Variants in COG2 observed in about 807,000 individuals in gnomAD.
The protein encoded by COG2 is conserved oligomeric Golgi complex subunit 2.
Under a neutral mutation model 90.6 loss-of-function variants are expected in COG2, and 52 were observed. That is an observed-to-expected ratio of 0.57 (90% CI 0.46 to 0.72). The LOEUF (loss-of-function observed/expected upper bound fraction) is 0.72, where lower values mean the gene tolerates loss of function less well. COG2 is among the 30% of genes least tolerant of loss of function. The pLI is 0.00. For synonymous variants in COG2, 337 were observed against 320.4 expected (o/e 1.05, Z -0.55); for missense variants, 829 against 891.2 (o/e 0.93, Z 0.89).
intron 1 of COG2, among the ~76,000 whole-genome samples, chr1:230,658,216 TG>T (rs1199184359): frequency 6.6e-6 from 1 of 152,226 alleles, no homozygotes; most frequent in East Asian, 1.9e-4. Context: ...AATCTACCTT[TG>T]GTCTTTGATG....
At chr1:230,646,585 C>A (rs183697653) in intron 1 of COG2, among the ~76,000 whole-genome samples, 4 of 152,182 alleles carry the variant, frequency 2.6e-5, no homozygotes, top group African/African-American at 4.8e-5. Flanking sequence ...ATACTTCTGG[C>A]CCAAATACCT....
At chr1:230,685,938 A>G (rs1662875204) in intron 12 of COG2, among the ~76,000 whole-genome samples, 1 of 152,224 alleles carries the variant, frequency 6.6e-6, no homozygotes, top group Non-Finnish European at 1.5e-5. Context: ...TGTTCTAAAA[A>G]ATAAAAAAGA....
chr1:230,649,359 A>G (rs192819158), intron 1 of COG2, among the ~76,000 whole-genome samples: 1 of 152,184 alleles, frequency 6.6e-6, no homozygotes, highest in African/African-American at 2.4e-5. Flanking sequence ...TGGAGGGAAG[A>G]GCTCCAGGGA....
intron 12 of COG2, 77 bp downstream of exon 12, chr1:230,685,313 T>G: frequency 6.8e-7 from 1 of 1,479,908 alleles, no homozygotes; most frequent in Middle Eastern, 2.0e-4. Context: ...CTCCCTAAGA[T>G]TTTTGTAAAT....
At chr1:230,667,073 T>C (rs943889408) in intron 5 of COG2, among the ~76,000 whole-genome samples, 2 of 152,158 alleles carry the variant, frequency 1.3e-5, no homozygotes, top group African/African-American at 4.8e-5. Context: ...GGCCTCCGGG[T>C]CATCCCCTAG....
At chr1:230,676,296 T>C (rs994470418) in intron 9 of COG2, among the ~76,000 whole-genome samples, 2 of 152,184 alleles carry the variant, frequency 1.3e-5, no homozygotes, top group African/African-American at 4.8e-5. Context: ...CTTCTTCGTA[T>C]TTTAGACTTC....
intron 16 of COG2, among the ~76,000 whole-genome samples, chr1:230,691,181 A>T (rs1028291585): frequency 3.3e-5 from 5 of 152,120 alleles, no homozygotes; most frequent in Non-Finnish European, 7.4e-5. Context: ...GTGTGTATAT[A>T]TATATACGTA....
chr1:230,673,725 C>T (rs1662515343), intron 8 of COG2, among the ~76,000 whole-genome samples: 1 of 152,046 alleles, frequency 6.6e-6, no homozygotes, highest in Non-Finnish European at 1.5e-5. Flanking sequence ...ATATGGGAGG[C>T]AGTCATCTTC....
rs1347629143 is a variant in COG2 at position 230,659,600 on chromosome 1, A to G, written c.209A>G (p.Asp70Gly). The change falls in exon 2 of 18, where the codon GAT becomes GGT. Residue 70 changes from aspartate to glycine, a missense_variant. Physicochemically the swap from Asp to Gly is moderately conservative, Grantham distance 94. Coordinates refer to ENST00000366669, the MANE Select transcript of COG2 (RefSeq NM_007357.3). ...MVELINKDYA[D>G]FVNLSTNLVG... Reference sequence around the variant, plus strand: ...GAACTCATCAACAAGGATTATGCAGATTTTGTCAATCTTTCAACAAACTTG... The same window carrying G: ...GAACTCATCAACAAGGATTATGCAGGTTTTGTCAATCTTTCAACAAACTTG... The G allele has an allele frequency of 6.2e-7, 1 of 1,613,056 alleles. No individual in the cohort carries two copies. The highest frequency in any genetic ancestry group is 8.5e-7 in the Non-Finnish European group (1 of 1,179,654).
chr1:230,672,782 A>G (rs1364067464), intron 8 of COG2, among the ~76,000 whole-genome samples: 1 of 151,768 alleles, frequency 6.6e-6, no homozygotes, highest in Non-Finnish European at 1.5e-5. Context: ...CATTATGATC[A>G]CCTCTCCGCT....
rs539098452 is a variant in COG2 at position 230,653,122 on chromosome 1, T to G, written c.73-6342T>G. On this transcript the variant is annotated intron_variant, in intron 1 of 17. Coordinates refer to ENST00000366669, the MANE Select transcript of COG2 (RefSeq NM_007357.3). ...ATTTATTTGTCTTATAACTGAAAGT[T>G]TATATCATTTGACATTACTCCCAAC... Among the ~76,000 whole-genome samples the G allele has an allele frequency of 2.6e-5, 4 of 152,300 alleles. No individual in the cohort carries two copies. The East Asian group carries it at 7.7e-4, about 29-fold the overall frequency.
intron 8 of COG2, among the ~76,000 whole-genome samples, chr1:230,674,134 T>A (rs1027209973): frequency 2.0e-5 from 3 of 152,244 alleles, no homozygotes; most frequent in Non-Finnish European, 2.9e-5. Context: ...GTGAGCGACT[T>A]AAGGAATCTC....
chr1:230,648,074 C>T (rs560616387), intron 1 of COG2, among the ~76,000 whole-genome samples: 251 of 152,352 alleles, frequency 1.6e-3, no homozygotes, highest in Non-Finnish European at 3.1e-3. Context: ...TCATGCTTTC[C>T]TTTCTAGATG....
intron 2 of COG2, among the ~76,000 whole-genome samples, chr1:230,660,240 G>A (rs1417481177): frequency 6.6e-6 from 1 of 152,110 alleles, no homozygotes; most frequent in Non-Finnish European, 1.5e-5. Context: ...ATTTTAAGAA[G>A]CATTAAAATT....
chr1:230,681,249 G>A (rs909928062), intron 10 of COG2: 4 of 152,330 alleles, frequency 2.6e-5, no homozygotes, highest in African/African-American at 7.2e-5. Flanking sequence ...GAAACTGCAG[G>A]TGTTAGCTCT....
At chr1:230,670,815 G>A (rs1662429903) in intron 7 of COG2, 2 of 152,076 alleles carry the variant, frequency 1.3e-5, no homozygotes, top group East Asian at 3.9e-4. Context: ...GTTTTGCCAT[G>A]TTGTCCAAAC....
At position 230,687,096 on chromosome 1, in the gene COG2, G is replaced by C; in HGVS notation, c.1542G>C (p.Val514=). The C allele has an allele frequency of 6.2e-7, 1 of 1,613,250 alleles. No homozygotes were observed. Among genetic ancestry groups the C allele is most frequent in the East Asian group, 2.2e-5 (1 of 44,882 alleles). ...PVVSISRTQL[V]YVVADLDKLQ... ...TTTCCATTTCCCGCACTCAGCTCGT[G>C]TATGTGGTTGCAGACCTGGACAAGC... is the stretch of plus-strand genomic sequence containing the variant. Residue 514 remains valine (V), a synonymous_variant, in exon 13 of 18, where the codon GTG becomes GTC. Coordinates refer to ENST00000366669, the MANE Select transcript of COG2 (RefSeq NM_007357.3).
At position 230,683,699 on chromosome 1, in the gene COG2, A is replaced by G; in HGVS notation, c.1228+64A>G. The G allele has an allele frequency of 1.0e-5, 11 of 1,073,096 alleles. 1 individual carries two copies. Among genetic ancestry groups the G allele is most frequent in the Non-Finnish European group, 1.6e-5 (11 of 692,806 alleles). The allele number at this position is 1,073,096 out of a possible 1,614,324, so 66.5% of individuals were successfully genotyped here. A position where few individuals can be genotyped will look rare whatever the true frequency, so the allele number is the denominator to read the frequency against. ...ATGAGTTCATTCAGTTCACCAAGTC[A>G]TCTGGATTGCAGTATTCTGAGCGTA... On this transcript the variant is annotated intron_variant, in intron 11 of 17. Coordinates refer to ENST00000366669, the MANE Select transcript of COG2 (RefSeq NM_007357.3).
Position 230,663,071 on chromosome 1 carries a change from A to G in COG2, c.301-70A>G, listed in dbSNP as rs1571949262. The G allele has an allele frequency of 5.4e-6, 7 of 1,303,136 alleles. No individual in the cohort carries two copies. The East Asian group carries it at 1.7e-4, about 32-fold the overall frequency. 80.7% of individuals were successfully genotyped at this position (1,303,136 alleles called of 1,614,324 possible). On this transcript the variant is annotated intron_variant, in intron 3 of 17. Coordinates refer to ENST00000366669, the MANE Select transcript of COG2 (RefSeq NM_007357.3). ...GTAGGTGTTAAGTCCTGTGGAATTG[A>G]ATTAAATGTGTAAATTTCATAATGT... is the stretch of plus-strand genomic sequence containing the variant.
Sources: gnomAD v4.1 joint callset for allele counts (sites outside exome capture counted in the v4.1 genomes callset) on GRCh38, gnomAD v4.1.1 for gene constraint, MANE v1.5 for transcripts, NCBI Gene and HGNC (gene_info 2026-07-23, HGNC 2026-07-21) for gene names.